HK1: variants seen among roughly 807,000 people sequenced by gnomAD.
HK1 encodes the protein hexokinase-1.
HK1 carries 28 observed loss-of-function variants against 91.6 expected under a neutral mutation model. That is an observed-to-expected ratio of 0.31 (90% CI 0.23 to 0.42). HK1 has a LOEUF of 0.42. Among genes scored for constraint, HK1 ranks in the 10% least tolerant of loss-of-function variants. HK1 has a pLI of 1.00. For synonymous variants in HK1, 430 were observed against 468.1 expected, an observed-to-expected ratio of 0.92 and a Z score of 1.05; for missense variants, 770 against 1,219.8, an observed-to-expected ratio of 0.63 and a Z score of 5.49.
At chr10:69,377,377 A>G (rs753044259) in intron 8 of HK1, among the ~76,000 whole-genome samples, 3 of 106,910 alleles carry the variant, frequency 2.8e-5, no homozygotes, top group Admixed American at 1.0e-4. Flanking sequence ...CATCACCCCC[A>G]CCCTCCACAC....
chr10:69,401,124 G>T lies in HK1; in HGVS notation c.2743G>T (p.Ala915Ser). ...CGTGGGCGTGCGGTTACGCACAGAG[G>T]CAAGCAGCTAAGAGTCCGGGATCCC... ...TAVGVRLRTE[A>S]SS is the part of the protein sequence containing the mutation. Residue 915 changes from alanine to serine, a missense_variant, in exon 18 of 18, where the codon GCA becomes TCA. Ala to Ser is a moderately conservative substitution (Grantham distance 99). Around this residue, in one of 7 missense-constraint regions of HK1, gnomAD observed 15 missense variants for 21.7 expected, o/e 0.69. Transcript: ENST00000359426. 1 of 1,613,816 alleles carries T rather than the reference G, an allele frequency of 6.2e-7. No homozygotes were observed.
In HK1 at chr10:69,301,288, G is replaced by A. The variant is rs753405201; in HGVS notation, c.27+427G>A. 3.3e-5 allele frequency among the ~76,000 whole-genome samples: 5 copies of A among 149,336 alleles called. No individual in the cohort carries two copies. In the South Asian group the frequency reaches 1.1e-3, roughly 32 times the overall value. ...TAAATTGTACTTCTTCTATAAAATTGCAATGAACAATATAAAAATGAAATT... is the reference window on the plus strand; with the variant it reads ...TAAATTGTACTTCTTCTATAAAATTACAATGAACAATATAAAAATGAAATT... On this transcript the variant is annotated intron_variant, in intron 5 of 21. Transcript: ENST00000360289.
chr10:69,379,796 A>G, intron 8 of HK1, 66 bp from the exon 9 acceptor site: 1 of 1,137,120 alleles, frequency 8.8e-7, no homozygotes, highest in Non-Finnish European at 1.3e-6. Context: ...AGCACCTTTG[A>G]GCCTCAGTGC....
intron 1 of HK1, among the ~76,000 whole-genome samples, chr10:69,341,831 A>G (rs1848305086): frequency 6.6e-6 from 1 of 152,012 alleles, no homozygotes. Context: ...GTAAAGGGAA[A>G]AAGGTGGTAG....
chr10:69,337,617 T>A (rs941713790), intron 1 of HK1, among the ~76,000 whole-genome samples: 2 of 152,218 alleles, frequency 1.3e-5, no homozygotes, highest in Non-Finnish European at 2.9e-5. Context: ...TGAATTCTGA[T>A]GTTGAAATCT....
intron 3 of HK1, chr10:69,288,862 C>A: frequency 9.4e-7 from 1 of 1,063,244 alleles, no homozygotes; most frequent in Admixed American, 1.9e-5. Flanking sequence ...TCTCGGCTCA[C>A]TATAACCTCT....
intron 3 of HK1, among the ~76,000 whole-genome samples, chr10:69,363,249 T>C (rs1309719471): frequency 6.6e-6 from 1 of 152,230 alleles, no homozygotes; most frequent in Non-Finnish European, 1.5e-5. Context: ...TTAGCTAGGC[T>C]GTGGCATGGC....
At chr10:69,389,158 T>G in intron 13 of HK1, 39 bp from the exon 14 acceptor site, 2 of 1,484,698 alleles carry the variant, frequency 1.3e-6, no homozygotes, top group Non-Finnish European at 1.9e-6. Flanking sequence ...CCAGGCATAG[T>G]GATCCTATTC....
chr10:69,344,371 C>G (rs1848443631), intron 2 of HK1, among the ~76,000 whole-genome samples: 1 of 152,172 alleles, frequency 6.6e-6, no homozygotes, highest in Non-Finnish European at 1.5e-5. Flanking sequence ...AACTCCAGAA[C>G]AAATGAAGGG....
At chr10:69,347,529 G>A (rs1039380722) in intron 2 of HK1, among the ~76,000 whole-genome samples, 1 of 151,496 alleles carries the variant, frequency 6.6e-6, no homozygotes, top group Non-Finnish European at 1.5e-5. Context: ...TCCGCCTCCC[G>A]GGTTCAAGCA....
intron 1 of HK1, among the ~76,000 whole-genome samples, chr10:69,321,977 A>G (rs1847060090): frequency 6.6e-6 from 1 of 152,242 alleles, no homozygotes; most frequent in Non-Finnish European, 1.5e-5. Flanking sequence ...AATCCCAGAC[A>G]TCTGCCAGTT....
At position 69,271,234 on chromosome 10, in the gene HK1, G is replaced by A. The variant is rs1359456052; in HGVS notation, c.-391+1126G>A. 5 of 152,080 alleles carry A rather than the reference G, an allele frequency of 3.3e-5. No individual in the cohort carries two copies. In the East Asian group the frequency reaches 5.8e-4, roughly 18 times the overall value. The allele number at this position is 152,080 out of a possible 1,614,324, so 9.4% of individuals were successfully genotyped here. The stretch of plus-strand genomic sequence containing the variant: ...TCAGGAACTCTCAACCTTTGTGCAC[G>A]TGTATGTGTGTGTGCATGTACCATG... On this transcript the variant is annotated intron_variant, in intron 1 of 21. Coordinates refer to the HK1 transcript ENST00000360289.
At chr10:69,295,116 C>T (rs921502701) in intron 3 of HK1, among the ~76,000 whole-genome samples, 7 of 151,958 alleles carry the variant, frequency 4.6e-5, no homozygotes, top group Non-Finnish European at 1.0e-4. Flanking sequence ...CAGACCCTGC[C>T]AAGAGCTGGT....
At chr10:69,365,499 A>C (rs1002545465) in intron 4 of HK1, among the ~76,000 whole-genome samples, 1 of 152,216 alleles carries the variant, frequency 6.6e-6, no homozygotes, top group Non-Finnish European at 1.5e-5. Context: ...AAATAAATAC[A>C]TACAGCCTTG....
intron 5 of HK1, among the ~76,000 whole-genome samples, chr10:69,309,338 C>T (rs1356498334): frequency 2.0e-5 from 3 of 150,498 alleles, no homozygotes; most frequent in Non-Finnish European, 3.0e-5. Context: ...CCCGCCACCA[C>T]GCCCGGCTAA....
chr10:69,347,453 T>C (rs1266190679), intron 2 of HK1, among the ~76,000 whole-genome samples: 1 of 151,866 alleles, frequency 6.6e-6, no homozygotes, highest in Non-Finnish European at 1.5e-5. Context: ...TTTTTTTTTT[T>C]TTAAGACAGT....
intron 1 of HK1, among the ~76,000 whole-genome samples, chr10:69,325,941 T>A (rs1244229574): frequency 6.6e-6 from 1 of 151,464 alleles, no homozygotes; most frequent in East Asian, 1.9e-4. Flanking sequence ...TTCAAGCGAT[T>A]CTTCTGCCTC....
At chr10:69,390,340 G>C (rs907165522) in intron 14 of HK1, among the ~76,000 whole-genome samples, 11 of 152,198 alleles carry the variant, frequency 7.2e-5, no homozygotes, top group African/African-American at 2.4e-4. Flanking sequence ...TGGGAGGTCA[G>C]GCCCGCCCGT....
At chr10:69,280,165 A>C (rs1191323603) in intron 1 of HK1, among the ~76,000 whole-genome samples, 1 of 151,936 alleles carries the variant, frequency 6.6e-6, no homozygotes, top group Non-Finnish European at 1.5e-5. Context: ...ACTGTCACCC[A>C]GGCTGGAGAG....
Sources: gnomAD v4.1 joint callset for allele counts (sites outside exome capture counted in the v4.1 genomes callset) on GRCh38, gnomAD v4.1.1 for gene constraint, gnomAD v4.1.1 regional missense constraint, MANE v1.5 for transcripts, NCBI Gene and HGNC (gene_info 2026-07-23, HGNC 2026-07-21) for gene names.